Variants in FBLN7 observed in about 807,000 individuals in gnomAD.
FBLN7 encodes fibulin 7, also known as fibulin-7.
FBLN7 carries 31 observed loss-of-function variants against 44.0 expected under a neutral mutation model. The ratio of observed to expected loss-of-function variants is 0.70; its 90% CI spans 0.53 to 0.95. FBLN7 has a LOEUF of 0.95. FBLN7 is among the 40% of genes least tolerant of loss of function. The pLI is 0.00. For synonymous variants in FBLN7, 262 were observed against 253.4 expected (o/e 1.03, Z -0.32); for missense variants, 573 against 618.5 (o/e 0.93, Z 0.78).
chr2:112,160,830 ATACACGCACGCACACGCG>A (rs1558880651), intron 2 of FBLN7, among the ~76,000 whole-genome samples: 1 of 131,960 alleles, frequency 7.6e-6, no homozygotes, highest in African/African-American at 3.0e-5. Context: ...ACAAGCACGC[ATACACGCACGCACACGCG>A]CACACACACA....
At chr2:112,165,204 G>A (rs952144914) in intron 3 of FBLN7, 33 bp downstream of exon 3, 2 of 1,601,728 alleles carry the variant, frequency 1.2e-6, no homozygotes, top group South Asian at 1.1e-5. Flanking sequence ...CACTGCGCTG[G>A]ACCCATCACA....
Position 112,138,606 on chromosome 2 carries a change from C to G in FBLN7, c.-50C>G, listed in dbSNP as rs1205913370. On this transcript the variant is annotated 5_prime_UTR_variant, in exon 1 of 8. Coordinates refer to ENST00000331203, the MANE Select transcript of FBLN7 (RefSeq NM_153214.3). ...CGCATCGCTGGGACAAACTCGGCAG[C>G]GGAGGCAAAGTTATTTCCCCTCCCA... The G allele has an allele frequency of 1.2e-6, 2 of 1,613,086 alleles. No homozygotes were observed. The highest frequency in any genetic ancestry group is 1.7e-6 in the Non-Finnish European group (2 of 1,179,546).
chr2:112,196,359 TTTC>T, the FBLN7 span, among the ~76,000 whole-genome samples: 3 of 146,738 alleles, frequency 2.0e-5, no homozygotes, highest in African/African-American at 5.1e-5. Context: ...CCAAAATTAA[TTTC>T]TTCTTCTTCT....
intron 2 of FBLN7, among the ~76,000 whole-genome samples, chr2:112,162,954 CTGAGGCAGA>C (rs1681953296): frequency 6.6e-6 from 1 of 152,150 alleles, no homozygotes; most frequent in African/African-American, 2.4e-5. Context: ...ATTTCAGAGG[CTGAGGCAGA>C]ACCCCGGGAG....
chr2:112,232,005 C>T, the FBLN7 span: 8 of 1,045,442 alleles, frequency 7.7e-6, no homozygotes, highest in East Asian at 1.9e-4. Context: ...ATGTTATTAA[C>T]TTAATGACTT....
chr2:112,234,302 A>C, the FBLN7 span: 5 of 1,290,188 alleles, frequency 3.9e-6, no homozygotes, highest in Non-Finnish European at 5.3e-6. Flanking sequence ...ATTCTGTTGC[A>C]CAAAATTATT....
the FBLN7 span, among the ~76,000 whole-genome samples, chr2:112,209,290 G>A: frequency 1.4e-4 from 22 of 152,168 alleles, 1 homozygote; most frequent in African/African-American, 5.1e-4. Context: ...CTGCACCTCC[G>A]GCTGCTTCTC....
chr2:112,159,353 A>G (rs1681601319), intron 1 of FBLN7, among the ~76,000 whole-genome samples: 1 of 152,234 alleles, frequency 6.6e-6, no homozygotes, highest in African/African-American at 2.4e-5. Context: ...TTTTCAGAGC[A>G]TTAACTTAGA....
the FBLN7 span, among the ~76,000 whole-genome samples, chr2:112,233,924 C>T: frequency 5.3e-5 from 8 of 152,142 alleles, no homozygotes; most frequent in Admixed American, 1.3e-4. Context: ...GATCCACCCA[C>T]GTCGGCCTCC....
the FBLN7 span, chr2:112,238,306 G>T: frequency 1.9e-6 from 3 of 1,609,570 alleles, no homozygotes; most frequent in Admixed American, 1.7e-5. Flanking sequence ...AAAATAGTTT[G>T]ACTCTTACCC....
At chr2:112,217,413 G>A in the FBLN7 span, among the ~76,000 whole-genome samples, 1 of 152,092 alleles carries the variant, frequency 6.6e-6, no homozygotes, top group African/African-American at 2.4e-5. Flanking sequence ...AATATTAAAA[G>A]CAAATGGAAA....
At chr2:112,236,612 C>T in the FBLN7 span, 1 of 1,613,994 alleles carries the variant, frequency 6.2e-7, no homozygotes, top group South Asian at 1.1e-5. Flanking sequence ...CCTTTGTTTC[C>T]AGGGCCAGGC....
the FBLN7 span, among the ~76,000 whole-genome samples, chr2:112,235,964 G>A: frequency 1.4e-5 from 2 of 148,092 alleles, no homozygotes; most frequent in South Asian, 4.3e-4. Context: ...AAATCAAGGA[G>A]TGACCAGGCA....
chr2:112,187,186 C>A lies in FBLN7; in HGVS notation c.1000C>A (p.Pro334Thr). ...PMDSRPCRHL[P>T]KTISFHYLSL... is the part of the protein sequence containing the mutation. ...GGACAGCAGGCCCTGCCGCCATCTGCCCAAGACCATCTCCTTCCATTACCT... is the reference window on the plus strand; with the variant it reads ...GGACAGCAGGCCCTGCCGCCATCTGACCAAGACCATCTCCTTCCATTACCT... Residue 334 changes from proline to threonine, a missense_variant, in exon 8 of 8, where the codon CCC becomes ACC. By Grantham distance (38) the Pro-to-Thr change is conservative. Transcript: ENST00000331203. The surrounding 1 kb of genome is among the most constrained non-coding windows in gnomAD (Gnocchi z 5.1). 1 of 1,614,054 alleles carries A rather than the reference C, an allele frequency of 6.2e-7. No homozygotes were observed. Among genetic ancestry groups the A allele is most frequent in the African/African-American group, 1.3e-5 (1 of 75,000 alleles).
chr2:112,156,393 C>T (rs970829487), intron 1 of FBLN7, among the ~76,000 whole-genome samples: 1 of 152,220 alleles, frequency 6.6e-6, no homozygotes, highest in Non-Finnish European at 1.5e-5. Context: ...AGACAAGCCC[C>T]GTTTCTCCAC....
chr2:112,209,352 T>G, the FBLN7 span, among the ~76,000 whole-genome samples: 1 of 152,224 alleles, frequency 6.6e-6, no homozygotes, highest in African/African-American at 2.4e-5. Flanking sequence ...TTTGACAGAC[T>G]TGGGTTCAAA....
rs929792201 is a variant in FBLN7, at chr2:112,158,586, C to T, written c.76-1090C>T. Among the ~76,000 whole-genome samples, 169 of 152,208 alleles carry T rather than the reference C, an allele frequency of 1.1e-3. 1 individual carries two copies. The highest frequency in any genetic ancestry group is 3.8e-3 in the African/African-American group (159 of 41,526). On this transcript the variant is annotated intron_variant, in intron 1 of 7. Transcript: ENST00000331203. ...GAGTAGCTGGGATTACAGGCACCTG[C>T]CACCATGCCCGGCTAATTTTAAAAA...
the FBLN7 span, among the ~76,000 whole-genome samples, chr2:112,227,253 G>A: frequency 7.2e-5 from 11 of 152,212 alleles, no homozygotes; most frequent in East Asian, 1.9e-4. Context: ...AGCTGGGCGC[G>A]GTGGCTCACG....
chr2:112,143,968 G>A (rs1197536490), intron 1 of FBLN7, among the ~76,000 whole-genome samples: 1 of 151,922 alleles, frequency 6.6e-6, no homozygotes, highest in African/African-American at 2.4e-5. Context: ...ATATGTGTTG[G>A]GCAGTGCTTG....
Sources: gnomAD v4.1 joint callset for allele counts (sites outside exome capture counted in the v4.1 genomes callset) on GRCh38, gnomAD v4.1.1 for gene constraint, Gnocchi (gnomAD v3.1) non-coding constraint, MANE v1.5 for transcripts, NCBI Gene and HGNC (gene_info 2026-07-23, HGNC 2026-07-21) for gene names.